PAPPA: variants seen among roughly 807,000 people sequenced by gnomAD.
PAPPA encodes the protein pappalysin 1.
In PAPPA, 60 loss-of-function variants were observed where a neutral mutation model predicts 164.0. The ratio of observed to expected loss-of-function variants is 0.37; its 90% CI spans 0.30 to 0.45. PAPPA has a LOEUF of 0.45. Ranked by LOEUF, PAPPA falls within the 20% of genes least tolerant of loss-of-function variation. The pLI is 1.00. For missense variants in PAPPA, 1,782 were observed against 2,087.3 expected, an observed-to-expected ratio of 0.85 and a Z score of 2.85; for synonymous variants, 875 against 814.1, an observed-to-expected ratio of 1.07 and a Z score of -1.27.
intron 21 of PAPPA, 38 bp downstream of exon 21, chr9:116,382,531 C>A: frequency 8.0e-7 from 1 of 1,245,592 alleles, no homozygotes; most frequent in Non-Finnish European, 1.2e-6. Flanking sequence ...TGCCTCCTGC[C>A]CACTTCTCCA....
chr9:116,275,875 C>G (rs549943510), intron 9 of PAPPA, among the ~76,000 whole-genome samples: 3 of 152,132 alleles, frequency 2.0e-5, no homozygotes, highest in Non-Finnish European at 4.4e-5. Flanking sequence ...TCCCAAGGTG[C>G]CAGTGTGTTA....
intron 5 of PAPPA, among the ~76,000 whole-genome samples, chr9:116,222,275 A>G (rs543994289): frequency 6.6e-6 from 1 of 152,340 alleles, no homozygotes; most frequent in African/African-American, 2.4e-5. Flanking sequence ...ATGGTCTCCA[A>G]TTTACGATAA....
At chr9:116,277,535 A>G (rs1845214402) in intron 9 of PAPPA, among the ~76,000 whole-genome samples, 1 of 152,160 alleles carries the variant, frequency 6.6e-6, no homozygotes. Flanking sequence ...TGGGTTAGTA[A>G]GTTCCTACTT....
rs2118891618 is a variant in PAPPA at position 116,302,963 on chromosome 9, C to T, written c.3147+13C>T. 4 of 1,609,810 alleles carry T rather than the reference C, an allele frequency of 2.5e-6. No individual in the cohort carries two copies. Among genetic ancestry groups the T allele is most frequent in the East Asian group, 4.5e-5 (2 of 44,812 alleles). On this transcript the variant is annotated intron_variant, in intron 10 of 21. Transcript: ENST00000328252. ...AGCAGCATCCCAGGTAAGATCCTAA[C>T]CATGTGTGGCATTTCCTGCAGACAT...
intron 9 of PAPPA, among the ~76,000 whole-genome samples, chr9:116,284,586 A>G (rs1366736034): frequency 9.8e-6 from 1 of 101,600 alleles, no homozygotes; most frequent in Non-Finnish European, 1.8e-5. Flanking sequence ...GAACTTGTAT[A>G]TCTAATTGCT....
chr9:116,335,317 G>C (rs1205141496), intron 13 of PAPPA, among the ~76,000 whole-genome samples: 2 of 152,052 alleles, frequency 1.3e-5, no homozygotes, highest in African/African-American at 4.8e-5. Context: ...TGCAGCGGCA[G>C]AATTGACAAT....
At chr9:116,336,147 C>T (rs1372481938) in intron 13 of PAPPA, among the ~76,000 whole-genome samples, 1 of 151,924 alleles carries the variant, frequency 6.6e-6, no homozygotes, top group Non-Finnish European at 1.5e-5. Context: ...TCATGAGGTC[C>T]AGAAGAAGAG....
At chr9:116,267,167 G>T (rs892961903) in intron 8 of PAPPA, among the ~76,000 whole-genome samples, 24 of 152,214 alleles carry the variant, frequency 1.6e-4, no homozygotes, top group Admixed American at 1.5e-3. Flanking sequence ...CACATTAGAT[G>T]ACTCTTTCTT....
At chr9:116,245,038 C>T (rs1162640701) in intron 7 of PAPPA, among the ~76,000 whole-genome samples, 1 of 152,026 alleles carries the variant, frequency 6.6e-6, no homozygotes, top group East Asian at 1.9e-4. Flanking sequence ...AGGCTATTAT[C>T]TTAAGTAAAA....
chr9:116,303,025 T>C (rs1419881940), intron 10 of PAPPA, 75 bp downstream of exon 10: 13 of 1,269,748 alleles, frequency 1.0e-5, no homozygotes, highest in Non-Finnish European at 1.5e-5. Context: ...GCTACTCACC[T>C]CTAAGGCAGT....
At chr9:116,312,800 C>G (rs1009656159) in intron 10 of PAPPA, among the ~76,000 whole-genome samples, 2 of 151,876 alleles carry the variant, frequency 1.3e-5, no homozygotes, top group African/African-American at 4.8e-5. Context: ...AAACTCCAAC[C>G]AGGCCAGGCG....
chr9:116,293,156 A>G (rs1386236003), intron 9 of PAPPA, among the ~76,000 whole-genome samples: 1 of 152,224 alleles, frequency 6.6e-6, no homozygotes, highest in Admixed American at 6.6e-5. Flanking sequence ...AGTGAATAAC[A>G]CTAGTTTAGA....
intron 1 of PAPPA, among the ~76,000 whole-genome samples, chr9:116,177,509 G>A (rs1054876376): frequency 5.3e-5 from 8 of 152,324 alleles, no homozygotes; most frequent in African/African-American, 1.7e-4. Flanking sequence ...GAGGTTAGGT[G>A]TGAAAGGGGA....
intron 10 of PAPPA, 105 bp downstream of exon 10, chr9:116,303,055 T>G (rs1188277780): frequency 1.2e-6 from 1 of 805,770 alleles, no homozygotes. Context: ...TATAGCCACT[T>G]GAGCATATCT....
chr9:116,169,889 A>T (rs1206795188), intron 1 of PAPPA, among the ~76,000 whole-genome samples: 1 of 152,082 alleles, frequency 6.6e-6, no homozygotes, highest in African/African-American at 2.4e-5. Context: ...TTACAACAGC[A>T]TCATGATCGA....
At chr9:116,176,770 A>T (rs1263811102) in intron 1 of PAPPA, among the ~76,000 whole-genome samples, 1 of 152,192 alleles carries the variant, frequency 6.6e-6, no homozygotes, top group Non-Finnish European at 1.5e-5. Flanking sequence ...TATTCTTTTA[A>T]ACTTTAAACA....
chr9:116,351,979 T>A (rs1846287973), intron 15 of PAPPA, among the ~76,000 whole-genome samples: 2 of 152,208 alleles, frequency 1.3e-5, no homozygotes, highest in Non-Finnish European at 1.5e-5. Context: ...TGTGCCTCGA[T>A]AATATATGAG....
In PAPPA at chr9:116,335,026, C is replaced by A; in HGVS notation, c.3563C>A (p.Thr1188Asn). The change falls in exon 13 of 22, where the codon ACC (threonine) becomes AAC (asparagine). Residue 1188 changes from threonine to asparagine, a missense_variant. Around this residue, in one of 2 missense-constraint regions of PAPPA, gnomAD observed 1,324 missense variants for 1,656.9 expected, o/e 0.80. Transcript: ENST00000328252. ...LRSFDNFDPV[T>N]LSSCQRGETY... ...TCCTTCGACAACTTTGACCCCGTCA[C>A]CCTGAGCAGCTGCCAGAGAGGGGAG... The A allele has an allele frequency of 1.2e-6, 2 of 1,613,846 alleles. No homozygotes were observed. Among genetic ancestry groups the A allele is most frequent in the Non-Finnish European group, 1.7e-6 (2 of 1,179,986 alleles).
intron 13 of PAPPA, among the ~76,000 whole-genome samples, chr9:116,339,388 C>A (rs1460414212): frequency 6.6e-6 from 1 of 152,158 alleles, no homozygotes; most frequent in African/African-American, 2.4e-5. Flanking sequence ...TTGAACCCTG[C>A]AGGCTACTGA....
Sources: gnomAD v4.1 joint callset for allele counts (sites outside exome capture counted in the v4.1 genomes callset) on GRCh38, gnomAD v4.1.1 for gene constraint, gnomAD v4.1.1 regional missense constraint, MANE v1.5 for transcripts, NCBI Gene and HGNC (gene_info 2026-07-23, HGNC 2026-07-21) for gene names.